Variants in ASB11 observed in about 807,000 individuals in gnomAD.
ASB11 encodes ankyrin repeat and SOCS box containing 11.
A neutral mutation model predicts 20.1 loss-of-function variants in ASB11; 17 were observed. That is an observed-to-expected ratio of 0.85 (90% CI 0.58 to 1.27). ASB11 has a LOEUF of 1.27. ASB11 is among the 50% of genes most tolerant of loss of function. The pLI, the probability that ASB11 is intolerant of heterozygous loss-of-function variation, is 0.00. For synonymous variants in ASB11, 107 were observed against 105.6 expected (o/e 1.01, Z -0.08); for missense variants, 259 against 256.9 (o/e 1.01, Z -0.06).
At chrX:15,308,237 T>C (rs980328140) in intron 1 of ASB11, among the ~76,000 whole-genome samples, 3 of 112,410 alleles carry the variant, frequency 2.7e-5, no homozygotes, top group African/African-American at 9.7e-5. Context: ...ATGTACCTTT[T>C]CTACCCATTG....
Position 15,315,632 on chromosome X carries a change from T to C in ASB11, c.-27A>G, listed in dbSNP as rs765310243. 3.9e-6 allele frequency: 4 copies of C among 1,032,163 alleles called. No homozygotes were observed. The highest frequency in any genetic ancestry group is 1.9e-5 in the African/African-American group (1 of 52,269). The allele number at this position is 1,032,163 out of a possible 1,213,427, so 85.1% of individuals were successfully genotyped here. A position where few individuals can be genotyped will look rare whatever the true frequency, so the allele number is the denominator to read the frequency against. ...TTGGCTTATGCTCTGTATAGGGTCCTAGGACTGTAAAATTTCACTGAGTTA... is the reference window on the plus strand; with the variant it reads ...TTGGCTTATGCTCTGTATAGGGTCCCAGGACTGTAAAATTTCACTGAGTTA... On this transcript the variant is annotated 5_prime_UTR_variant, in exon 1 of 7. Coordinates refer to ENST00000480796, the MANE Select transcript of ASB11 (RefSeq NM_080873.3).
At chrX:15,286,661 C>A (rs1266468735) in intron 6 of ASB11, among the ~76,000 whole-genome samples, 1 of 56,344 alleles carries the variant, frequency 1.8e-5, no homozygotes, top group Non-Finnish European at 3.0e-5. Flanking sequence ...GAGACTCCAT[C>A]TCAAAAAAAA....
At position 15,287,985 on chromosome X, in the gene ASB11, G is replaced by GT. The variant is rs1291516259; in HGVS notation, c.742dup (p.Thr248AsnfsTer6). 1.7e-6 allele frequency: 2 copies of GT among 1,210,612 alleles called. No homozygotes were observed. Among genetic ancestry groups the GT allele is most frequent in the Non-Finnish European group, 2.2e-6 (2 of 895,394 alleles). On this transcript the variant is annotated frameshift_variant, in exon 6 of 7. Transcript: ENST00000480796. LOFTEE classifies it high-confidence loss of function. ...ACGCTTCAGGTTAGCTCCATAGTCG[G>GT]TTAGCAGGTGGATGACCTCCACATT...
intron 1 of ASB11, among the ~76,000 whole-genome samples, chrX:15,307,183 A>G (rs1226281283): frequency 4.4e-5 from 5 of 112,883 alleles, no homozygotes; most frequent in African/African-American, 1.6e-4. Context: ...CTCATTTTCT[A>G]GTAACTTTCC....
rs775131592 is a variant in ASB11, at chrX:15,297,623, AG to A, written c.319del (p.Gly108GlufsTer20). ...TTTGGCACAGGCCACGTGACCTCCAAGGCATGCCTCGTGGAGAGAAGACACC... is the reference window on the plus strand; with the variant it reads ...TTTGGCACAGGCCACGTGACCTCCAAGCATGCCTCGTGGAGAGAAGACACC... ...NRVSSLHEAC[L>X]GGHVACAKAL... On this transcript the variant is annotated frameshift_variant, in exon 3 of 7. Coordinates refer to ENST00000480796, the MANE Select transcript of ASB11 (RefSeq NM_080873.3). LOFTEE classifies it high-confidence loss of function. The A allele has an allele frequency of 3.3e-6, 4 of 1,209,703 alleles. No individual in the cohort carries two copies. The Admixed American group carries it at 8.7e-5, about 26-fold the overall frequency.
In ASB11 at chrX:15,287,913, C is replaced by T. The variant is rs1453309569; in HGVS notation, c.815G>A (p.Ser272Asn). The change falls in exon 6 of 7, where the codon AGC (serine) becomes AAC (asparagine). Residue 272 changes from serine to asparagine, a missense_variant. Transcript: ENST00000480796. ...KSALDLAAPK[S>N]SVEQALLLRE... is the part of the protein sequence containing the mutation. ...GAGCAAGAGTGCCTGCTCCACGCTG[C>T]TTTTTGGAGCCGCCAGATCAAGCGC... 6.6e-6 allele frequency: 8 copies of T among 1,209,391 alleles called. No individual in the cohort carries two copies. Among genetic ancestry groups the T allele is most frequent in the Non-Finnish European group, 7.8e-6 (7 of 894,681 alleles).
At chrX:15,296,602 A>G (rs1413349147) in intron 3 of ASB11, among the ~76,000 whole-genome samples, 1 of 112,135 alleles carries the variant, frequency 8.9e-6, no homozygotes, top group African/African-American at 3.2e-5. Context: ...ATTTAAAATA[A>G]GATAAAGTTC....
At chrX:15,314,488 C>T (rs1306708110) in intron 1 of ASB11, 1 of 1,197,454 alleles carries the variant, frequency 8.4e-7, no homozygotes, top group African/African-American at 1.8e-5. Context: ...TTGAAGCATT[C>T]TGATGCTTCG....
At chrX:15,306,664 T>C (rs1430788308) in intron 1 of ASB11, among the ~76,000 whole-genome samples, 1 of 110,576 alleles carries the variant, frequency 9.0e-6, no homozygotes, top group African/African-American at 3.3e-5. Flanking sequence ...GATCACGCCA[T>C]TGCACTCCAG....
Position 15,289,047 on chromosome X carries a change from T to G in ASB11, c.655+457A>C, listed in dbSNP as rs895676940. On this transcript the variant is annotated intron_variant, in intron 5 of 6. Transcript: ENST00000480796. ...CCAGCATCTTCCTGGCAAGCATACCTAGATTTCCCAAAGGTAAACCACCCT... is the reference window on the plus strand; with the variant it reads ...CCAGCATCTTCCTGGCAAGCATACCGAGATTTCCCAAAGGTAAACCACCCT... 1.5e-4 allele frequency among the ~76,000 whole-genome samples: 17 copies of G among 112,324 alleles called. No individual in the cohort carries two copies. The East Asian group carries it at 1.7e-3, about 11-fold the overall frequency.
intron 1 of ASB11, 134 bp from the exon 2 acceptor site, chrX:15,302,941 G>A: frequency 1.9e-6 from 1 of 520,389 alleles, no homozygotes; most frequent in Admixed American, 3.2e-5. Flanking sequence ...CACGCATCAG[G>A]CTCTCTCGTC....
At chrX:15,287,139 C>CTTGTTT (rs1927408590) in intron 6 of ASB11, among the ~76,000 whole-genome samples, 1 of 111,548 alleles carries the variant, frequency 9.0e-6, no homozygotes, top group Non-Finnish European at 1.9e-5. Context: ...AACAGGCAAA[C>CTTGTTT]AACCTCACCA....
chrX:15,283,316 G>T lies in ASB11; in HGVS notation c.*189C>A. The T allele has an allele frequency of 2.1e-6, 1 of 486,299 alleles. No homozygotes were observed. The highest frequency in any genetic ancestry group is 3.3e-6 in the Non-Finnish European group (1 of 306,176). The allele number at this position is 486,299 out of a possible 1,213,427, so 40.1% of individuals were successfully genotyped here. On this transcript the variant is annotated 3_prime_UTR_variant, in exon 7 of 7. Transcript: ENST00000480796. The stretch of plus-strand genomic sequence containing the variant: ...CTAAATGGTTTCTACTTGCCCCTTG[G>T]TTAATGAGAACATTAAACTAACCAG...
At chrX:15,293,409 A>G in intron 3 of ASB11, 89 bp from the exon 4 acceptor site, 1 of 1,013,945 alleles carries the variant, frequency 9.9e-7, no homozygotes, top group Non-Finnish European at 1.3e-6. Flanking sequence ...GCCTAGAGGA[A>G]TTCCCCACGC....
intron 5 of ASB11, among the ~76,000 whole-genome samples, chrX:15,288,873 G>A (rs765677155): frequency 9.2e-6 from 1 of 108,943 alleles, no homozygotes; most frequent in African/African-American, 3.3e-5. Context: ...CAATAAGAGC[G>A]AAACTTCATC....
intron 1 of ASB11, among the ~76,000 whole-genome samples, chrX:15,304,172 G>A (rs1921159656): frequency 1.8e-5 from 2 of 112,677 alleles, no homozygotes; most frequent in South Asian, 3.7e-4. Context: ...TATAAACTTG[G>A]TGAAACGAAA....
rs755302907 is a variant in ASB11 at position 15,309,840 on chromosome X, C to T, written c.181+5585G>A. Among the ~76,000 whole-genome samples, 440 of 107,696 alleles carry T rather than the reference C, an allele frequency of 4.1e-3. 2 individuals are homozygous for T. The highest frequency in any genetic ancestry group is 7.3e-3 in the Non-Finnish European group (379 of 52,021). The allele number at this position is 107,696 out of a possible 115,157, so 93.5% of individuals were successfully genotyped here. On this transcript the variant is annotated intron_variant, in intron 1 of 6. Coordinates refer to ENST00000480796, the MANE Select transcript of ASB11 (RefSeq NM_080873.3). ...AAAATTAGCCAGGCGTGGTGGCGGG[C>T]GCCTGTAGTCCCAGCTACCTGGGAG...
intron 6 of ASB11, among the ~76,000 whole-genome samples, chrX:15,284,170 T>C (rs774825686): frequency 9.9e-6 from 1 of 100,580 alleles, no homozygotes; most frequent in East Asian, 3.1e-4. Context: ...GAGAATGGCG[T>C]GAACCCGGGA....
At chrX:15,304,799 C>T (rs1284385657) in intron 1 of ASB11, among the ~76,000 whole-genome samples, 1 of 111,650 alleles carries the variant, frequency 9.0e-6, no homozygotes, top group Non-Finnish European at 1.9e-5. Flanking sequence ...CGCTTGAACC[C>T]GGGAGGCAGA....
Sources: allele counts gnomAD v4.1 joint callset (sites outside exome capture counted in the v4.1 genomes callset), GRCh38; gene constraint gnomAD v4.1.1; transcripts MANE v1.5; gene names NCBI Gene and HGNC (gene_info 2026-07-23, HGNC 2026-07-21).